Variants in LMNTD1 observed in about 807,000 individuals in gnomAD.
LMNTD1 encodes lamin tail domain-containing protein 1.
LMNTD1 carries 35 observed loss-of-function variants against 50.9 expected under a neutral mutation model. The observed-to-expected ratio is 0.69, with a 90% CI of 0.53 to 0.91. The LOEUF is 0.91. LMNTD1 is among the 40% of genes least tolerant of loss of function. The pLI is 0.00. For missense variants in LMNTD1, 470 were observed against 475.5 expected (o/e 0.99, Z 0.11); for synonymous variants, 153 against 161.9 (o/e 0.94, Z 0.42).
At chr12:25,631,554 C>T (rs905527180) in intron 1 of LMNTD1, among the ~76,000 whole-genome samples, 4 of 152,178 alleles carry the variant, frequency 2.6e-5, no homozygotes, top group African/African-American at 9.7e-5. Context: ...AGACAACAAT[C>T]ACTGCAGTTC....
intron 9 of LMNTD1, among the ~76,000 whole-genome samples, chr12:25,484,750 C>G (rs957162806): frequency 6.9e-6 from 1 of 144,390 alleles, no homozygotes; most frequent in Non-Finnish European, 1.5e-5. Context: ...TGAGAATATG[C>G]GGTGTTTGGT....
At chr12:25,583,488 G>A (rs1051907809) in intron 1 of LMNTD1, among the ~76,000 whole-genome samples, 4 of 152,068 alleles carry the variant, frequency 2.6e-5, no homozygotes, top group Non-Finnish European at 5.9e-5. Flanking sequence ...GACAATATAG[G>A]AACACAGATT....
chr12:25,502,318 C>T (rs543169855), intron 9 of LMNTD1, among the ~76,000 whole-genome samples: 8 of 151,866 alleles, frequency 5.3e-5, no homozygotes, highest in Non-Finnish European at 1.0e-4. Flanking sequence ...GGGAGTGAAA[C>T]ATAATCAAAT....
chr12:25,537,385 C>A (rs1420818228), intron 4 of LMNTD1, among the ~76,000 whole-genome samples: 1 of 152,230 alleles, frequency 6.6e-6, no homozygotes, highest in Non-Finnish European at 1.5e-5. Flanking sequence ...TGGGAATGGG[C>A]AGACTGCCTC....
intron 8 of LMNTD1, among the ~76,000 whole-genome samples, chr12:25,513,324 T>C (rs1328779783): frequency 6.6e-6 from 1 of 152,198 alleles, no homozygotes; most frequent in East Asian, 1.9e-4. Context: ...ATGTCATTTG[T>C]ACACAATTAC....
At chr12:25,563,663 C>A (rs1233075323) in intron 1 of LMNTD1, among the ~76,000 whole-genome samples, 1 of 152,222 alleles carries the variant, frequency 6.6e-6, no homozygotes, top group Non-Finnish European at 1.5e-5. Context: ...CCACTACTCT[C>A]TTAAAAGCTG....
At chr12:25,537,243 C>T (rs1434565749) in intron 4 of LMNTD1, among the ~76,000 whole-genome samples, 1 of 152,240 alleles carries the variant, frequency 6.6e-6, no homozygotes, top group Admixed American at 6.5e-5. Context: ...AGGAGGCCTG[C>T]ATGCCTCTGT....
intron 9 of LMNTD1, among the ~76,000 whole-genome samples, chr12:25,495,083 T>G (rs1443461788): frequency 6.6e-6 from 1 of 152,184 alleles, no homozygotes; most frequent in Non-Finnish European, 1.5e-5. Flanking sequence ...GGGCCAAGAA[T>G]AGCAAAAGTT....
chr12:25,585,316 G>A (rs1005997189), intron 1 of LMNTD1, among the ~76,000 whole-genome samples: 17 of 152,164 alleles, frequency 1.1e-4, no homozygotes, highest in African/African-American at 4.1e-4. Context: ...GACTTGGGCT[G>A]CAACCTTCAG....
At position 25,549,422 on chromosome 12, in the gene LMNTD1, A is replaced by G; in HGVS notation, c.214T>C (p.Ser72Pro). The change falls in exon 3 of 10, where the codon TCT (serine) becomes CCT (proline). Residue 72 changes from serine (S) to proline (P), a missense_variant. Coordinates refer to ENST00000458174, the MANE Select transcript of LMNTD1 (RefSeq NM_001145728.2). ...SSGMPLGYYLSSPQISRVTIS... is the reference protein window; with the variant it reads ...SSGMPLGYYLPSPQISRVTIS... Reference sequence around the variant, plus strand: ...GTTACTCTACTAATCTGAGGACTAGACAGATAGTAACCAAGAGGCATTCCA... The same window carrying G: ...GTTACTCTACTAATCTGAGGACTAGGCAGATAGTAACCAAGAGGCATTCCA... The G allele has an allele frequency of 1.2e-6, 2 of 1,612,636 alleles. No individual in the cohort carries two copies. Among genetic ancestry groups the G allele is most frequent in the Non-Finnish European group, 1.7e-6 (2 of 1,178,776 alleles).
In LMNTD1 at chr12:25,509,077, G is replaced by T. The variant is rs115768837; in HGVS notation, c.1190-5277C>A. 3.7e-3 allele frequency among the ~76,000 whole-genome samples: 557 copies of T among 152,220 alleles called. 4 individuals carry two copies. Among genetic ancestry groups the T allele is most frequent in the African/African-American group, 0.013 (542 of 41,532 alleles). ...AGATATTACGTTGGAAATTATATAT[G>T]TTTAACTGAATTATAATGAAAGTAT... On this transcript the variant is annotated intron_variant, in intron 8 of 9. Transcript: ENST00000458174.
At chr12:25,580,476 C>T (rs114384474) in intron 1 of LMNTD1, among the ~76,000 whole-genome samples, 226 of 152,122 alleles carry the variant, frequency 1.5e-3, no homozygotes, top group African/African-American at 4.9e-3. Context: ...CATGATGCTA[C>T]GAGATTAAGG....
intron 6 of LMNTD1, among the ~76,000 whole-genome samples, chr12:25,520,674 T>TA (rs1941252892): frequency 1.3e-5 from 2 of 152,218 alleles, no homozygotes; most frequent in Non-Finnish European, 1.5e-5. Context: ...GCTGTGCAGA[T>TA]ACCTTTCCAA....
chr12:25,612,108 G>A (rs1946257503), intron 1 of LMNTD1, among the ~76,000 whole-genome samples: 2 of 152,114 alleles, frequency 1.3e-5, no homozygotes, highest in Non-Finnish European at 2.9e-5. Context: ...GTGAAGTAGA[G>A]GGCTTTTCAC....
At chr12:25,632,751 A>T (rs1296613069) in intron 1 of LMNTD1, among the ~76,000 whole-genome samples, 1 of 152,178 alleles carries the variant, frequency 6.6e-6, no homozygotes, top group Non-Finnish European at 1.5e-5. Flanking sequence ...AAAAGCAAAA[A>T]CAAAAAATAA....
chr12:25,587,127 C>A (rs1003891966), intron 1 of LMNTD1, among the ~76,000 whole-genome samples: 4 of 152,192 alleles, frequency 2.6e-5, no homozygotes, highest in African/African-American at 9.6e-5. Context: ...TCTTAACACA[C>A]TGAACTCTAA....
At chr12:25,499,764 G>T (rs1438431106) in intron 9 of LMNTD1, 1 of 151,484 alleles carries the variant, frequency 6.6e-6, no homozygotes, top group Non-Finnish European at 1.5e-5. Context: ...AACAAGCTTT[G>T]TTTTCCTGTG....
At chr12:25,514,274 C>T (rs11048085) in intron 8 of LMNTD1, among the ~76,000 whole-genome samples, 1 of 151,974 alleles carries the variant, frequency 6.6e-6, no homozygotes, top group African/African-American at 2.4e-5. Flanking sequence ...GATGGACACA[C>T]TCTCTGGTGT....
In LMNTD1 at chr12:25,606,034, C is replaced by G. The variant is rs376415517; in HGVS notation, c.58+42460G>C. 3.0e-3 allele frequency among the ~76,000 whole-genome samples: 461 copies of G among 152,120 alleles called. 2 individuals are homozygous for G. Among genetic ancestry groups the G allele is most frequent in the African/African-American group, 9.8e-3 (405 of 41,498 alleles). On this transcript the variant is annotated intron_variant, in intron 1 of 7. Transcript: ENST00000445693. Reference sequence around the variant, plus strand: ...TGAGCAGTGGTTTGTAGTTCTCCTTCAAGAGGTCCTTCACATCCCTTGTAA... The same window carrying G: ...TGAGCAGTGGTTTGTAGTTCTCCTTGAAGAGGTCCTTCACATCCCTTGTAA...
Sources: gnomAD v4.1 joint callset for allele counts (sites outside exome capture counted in the v4.1 genomes callset) on GRCh38, gnomAD v4.1.1 for gene constraint, MANE v1.5 for transcripts, NCBI Gene and HGNC (gene_info 2026-07-23, HGNC 2026-07-21) for gene names.